ELAVL4: variants seen among roughly 807,000 people sequenced by gnomAD.
ELAVL4 encodes the protein ELAV-like protein 4.
A neutral mutation model predicts 35.6 loss-of-function variants in ELAVL4; 1 was observed. The observed-to-expected ratio is 0.03, with a 90% CI of 0.01 to 0.13. The LOEUF is 0.13. Ranked by LOEUF, ELAVL4 falls within the 10% of genes least tolerant of loss-of-function variation. ELAVL4 has a pLI of 1.00. For missense variants in ELAVL4, 267 were observed against 464.9 expected (o/e 0.57, Z 3.91); for synonymous variants, 156 against 171.0 (o/e 0.91, Z 0.69).
At chr1:50,149,955 T>C (rs151338751) in intron 2 of ELAVL4, among the ~76,000 whole-genome samples, 138 of 152,268 alleles carry the variant, frequency 9.1e-4, no homozygotes, top group African/African-American at 3.2e-3. Context: ...GTAAGTGCTA[T>C]AGGTGGTTGG....
chr1:50,119,389 G>T (rs987985625), intron 1 of ELAVL4, among the ~76,000 whole-genome samples: 1 of 151,964 alleles, frequency 6.6e-6, no homozygotes, highest in African/African-American at 2.4e-5. Context: ...ATTAATGAAG[G>T]ACAAAAAAGA....
rs376721841 is a variant in ELAVL4 at position 50,067,568 on chromosome 1, G to A, written c.18+19386G>A. On this transcript the variant is annotated intron_variant, in intron 1 of 6. Transcript: ENST00000448907. ...AAAGATATAGGTAAACCGATACAGGGTTTGTATGTTCTGTCATTTATTTAT... is the reference window on the plus strand; with the variant it reads ...AAAGATATAGGTAAACCGATACAGGATTTGTATGTTCTGTCATTTATTTAT... Among the ~76,000 whole-genome samples the A allele has an allele frequency of 3.0e-4, 46 of 152,278 alleles. 1 individual carries two copies. In the South Asian group the frequency reaches 8.7e-3, roughly 29 times the overall value.
intron 2 of ELAVL4, among the ~76,000 whole-genome samples, chr1:50,166,488 T>C (rs1013841130): frequency 2.0e-5 from 3 of 152,244 alleles, no homozygotes; most frequent in South Asian, 2.1e-4. Context: ...AACATGTCTT[T>C]AGCAAAAGAA....
intron 3 of ELAVL4, 29 bp downstream of exon 3, chr1:50,177,221 C>A: frequency 1.3e-6 from 2 of 1,545,654 alleles, no homozygotes; most frequent in South Asian, 1.1e-5. Flanking sequence ...GCTCCTGATT[C>A]AGGAGGCTCT....
intron 2 of ELAVL4, among the ~76,000 whole-genome samples, chr1:50,168,056 C>T (rs564783564): frequency 4.6e-5 from 7 of 152,196 alleles, no homozygotes; most frequent in South Asian, 2.1e-4. Flanking sequence ...TACCCTTCAC[C>T]GCTGTCCTTC....
At chr1:50,181,483 A>G (rs1681012901) in intron 3 of ELAVL4, among the ~76,000 whole-genome samples, 1 of 152,188 alleles carries the variant, frequency 6.6e-6, no homozygotes, top group South Asian at 2.1e-4. Context: ...CATGTGAGTC[A>G]GAGAGCTATG....
At chr1:50,117,533 C>A (rs1309388296) in intron 1 of ELAVL4, among the ~76,000 whole-genome samples, 1 of 152,114 alleles carries the variant, frequency 6.6e-6, no homozygotes, top group Non-Finnish European at 1.5e-5. Flanking sequence ...ACTAACTGGG[C>A]AATCACAGAT....
chr1:50,158,067 T>G (rs941018692), intron 2 of ELAVL4, among the ~76,000 whole-genome samples: 4 of 152,168 alleles, frequency 2.6e-5, no homozygotes, highest in African/African-American at 9.7e-5. Flanking sequence ...ACAGGCAAAT[T>G]TTTAACTTCT....
chr1:50,110,617 A>T (rs1666906920), intron 1 of ELAVL4, among the ~76,000 whole-genome samples: 1 of 152,172 alleles, frequency 6.6e-6, no homozygotes, highest in Admixed American at 6.6e-5. Context: ...GCCCACTTTG[A>T]CTTTGAATTT....
At chr1:50,081,188 G>A (rs896482236) in intron 1 of ELAVL4, among the ~76,000 whole-genome samples, 1 of 152,156 alleles carries the variant, frequency 6.6e-6, no homozygotes, top group Non-Finnish European at 1.5e-5. Flanking sequence ...TGTACTGTCT[G>A]TTGTACTGGT....
intron 1 of ELAVL4, among the ~76,000 whole-genome samples, chr1:50,080,158 T>C (rs1664943444): frequency 6.6e-6 from 1 of 152,184 alleles, no homozygotes; most frequent in Non-Finnish European, 1.5e-5. Flanking sequence ...TCTTTAAACA[T>C]TGCTAACATT....
intron 3 of ELAVL4, among the ~76,000 whole-genome samples, chr1:50,190,404 C>T (rs1319309322): frequency 6.6e-6 from 1 of 152,202 alleles, no homozygotes; most frequent in Non-Finnish European, 1.5e-5. Context: ...ATTTTAGGTA[C>T]TAGGATGAAC....
At chr1:50,145,490 C>T (rs1673542157) in intron 2 of ELAVL4, among the ~76,000 whole-genome samples, 1 of 152,142 alleles carries the variant, frequency 6.6e-6, no homozygotes, top group Non-Finnish European at 1.5e-5. Flanking sequence ...TCTATAGTTT[C>T]CAGTCCCACA....
At chr1:50,073,180 T>C (rs1319867000) in intron 1 of ELAVL4, among the ~76,000 whole-genome samples, 1 of 152,032 alleles carries the variant, frequency 6.6e-6, no homozygotes, top group Admixed American at 6.6e-5. Flanking sequence ...GAGTGGAGGG[T>C]ACATCTCTAC....
intron 1 of ELAVL4, among the ~76,000 whole-genome samples, chr1:50,054,429 T>C (rs1257584152): frequency 1.3e-5 from 2 of 152,150 alleles, no homozygotes; most frequent in East Asian, 3.9e-4. Context: ...TACTGAAAAT[T>C]CCCTTTTCTG....
Position 50,203,541 on chromosome 1 carries a change from C to T in ELAVL4, c.*2363C>T, listed in dbSNP as rs971079327. On this transcript the variant is annotated 3_prime_UTR_variant, in exon 7 of 7. Coordinates refer to ENST00000371824, the MANE Select transcript of ELAVL4 (RefSeq NM_001144774.3). ...GCTAAGCATTAGTGGGAAAGGCATG[C>T]CAAAATCTTCTCTATAATGTGTTCA... 3.3e-5 allele frequency: 5 copies of T among 151,492 alleles called. No homozygotes were observed. Among genetic ancestry groups the T allele is most frequent in the African/African-American group, 1.2e-4 (5 of 41,200 alleles). 9.4% of individuals were successfully genotyped at this position (151,492 alleles called of 1,614,324 possible).
At chr1:50,144,842 C>A (rs1427177309) in intron 1 of ELAVL4, 115 bp from the exon 2 acceptor site, 1 of 1,496,438 alleles carries the variant, frequency 6.7e-7, no homozygotes, top group Admixed American at 1.8e-5. Flanking sequence ...CAGTCTCTTG[C>A]TCCATCTTGC....
At chr1:50,170,748 C>A in intron 2 of ELAVL4, among the ~76,000 whole-genome samples, 1 of 152,156 alleles carries the variant, frequency 6.6e-6, no homozygotes, top group South Asian at 2.1e-4. Context: ...AGGTTTTAAA[C>A]CATTCTTAAG....
At chr1:50,076,059 C>T (rs993160993) in intron 1 of ELAVL4, among the ~76,000 whole-genome samples, 4 of 152,092 alleles carry the variant, frequency 2.6e-5, no homozygotes, top group African/African-American at 9.7e-5. Context: ...AAACTCCTGG[C>T]CTCAAGCGAT....
Sources: gnomAD v4.1 joint callset for allele counts (sites outside exome capture counted in the v4.1 genomes callset) on GRCh38, gnomAD v4.1.1 for gene constraint, MANE v1.5 for transcripts, NCBI Gene and HGNC (gene_info 2026-07-23, HGNC 2026-07-21) for gene names.